Variants in PRKCH observed in about 807,000 individuals in gnomAD.
The protein encoded by PRKCH is protein kinase C eta.
Under a neutral mutation model 82.5 loss-of-function variants are expected in PRKCH, and 28 were observed. That is an observed-to-expected ratio of 0.34 (90% confidence interval 0.25 to 0.47). PRKCH has a LOEUF of 0.47. PRKCH is among the 20% of genes least tolerant of loss of function. The pLI, the probability that PRKCH is intolerant of heterozygous loss-of-function variation, is 1.00. For missense variants in PRKCH, 705 were observed against 881.8 expected (o/e 0.80, Z 2.54); for synonymous variants, 322 against 327.4 (o/e 0.98, Z 0.18).
chr14:61,253,670 C>T lies in PRKCH; in HGVS notation c.-19+66002C>T, dbSNP rs975043445. 2.0e-5 allele frequency among the ~76,000 whole-genome samples: 3 copies of T among 152,308 alleles called. No homozygotes were observed. In the East Asian group the frequency reaches 5.8e-4, roughly 29 times the overall value. On this transcript the variant is annotated intron_variant, in intron 1 of 3. Coordinates refer to the PRKCH transcript ENST00000555185. ...AAAGGCAGAGCTTGGTGGTTCAACT[C>T]TCTGCCTCTCATATAATGCCTAATT...
chr14:61,462,522 T>C (rs1885071640), intron 9 of PRKCH, among the ~76,000 whole-genome samples: 1 of 152,244 alleles, frequency 6.6e-6, no homozygotes, highest in Non-Finnish European at 1.5e-5. Flanking sequence ...ACACATAGCA[T>C]TTGCTCGCTG....
At chr14:61,271,136 C>T (rs923010500) in intron 1 of PRKCH, among the ~76,000 whole-genome samples, 1 of 152,160 alleles carries the variant, frequency 6.6e-6, no homozygotes, top group Non-Finnish European at 1.5e-5. Flanking sequence ...GCAAGATGGA[C>T]ACTAGTGTAC....
At chr14:61,288,063 C>A (rs1223056675) in intron 1 of PRKCH, among the ~76,000 whole-genome samples, 1 of 152,078 alleles carries the variant, frequency 6.6e-6, no homozygotes, top group African/African-American at 2.4e-5. Flanking sequence ...TATATTGCTA[C>A]ATCAGAGCAA....
At chr14:61,322,499 C>A in intron 1 of PRKCH, 35 bp downstream of exon 1, 1 of 1,568,166 alleles carries the variant, frequency 6.4e-7, no homozygotes, top group Non-Finnish European at 8.7e-7. Flanking sequence ...TTGTGTCCAC[C>A]CAACCCCCGT....
chr14:61,529,132 C>T lies in PRKCH; in HGVS notation c.1491C>T (p.Asp497=). 2 of 1,614,054 alleles carry T rather than the reference C, an allele frequency of 1.2e-6. No individual in the cohort carries two copies. The highest frequency in any genetic ancestry group is 1.7e-6 in the Non-Finnish European group (2 of 1,179,968). The part of the protein sequence containing the change: ...LDHEGHCKLA[D]FGMCKEGICN... ...ACGAGGGTCACTGTAAACTGGCAGA[C>T]TTCGGAATGTGCAAGGAGGGGATTT... is the stretch of plus-strand genomic sequence containing the variant. Residue 497 remains aspartate (D), a synonymous_variant, in exon 11 of 14, where the codon GAC becomes GAT. Transcript: ENST00000332981.
At chr14:61,315,110 T>A (rs1055476779) in intron 1 of PRKCH, among the ~76,000 whole-genome samples, 3 of 152,200 alleles carry the variant, frequency 2.0e-5, no homozygotes, top group African/African-American at 7.2e-5. Flanking sequence ...TTTTGTCCCA[T>A]GAGGAGGACA....
intron 1 of PRKCH, among the ~76,000 whole-genome samples, chr14:61,264,829 C>T (rs906928234): frequency 6.6e-6 from 1 of 152,092 alleles, no homozygotes; most frequent in Admixed American, 6.5e-5. Flanking sequence ...AACAGAGAGG[C>T]TTGAATTCCT....
intron 1 of PRKCH, among the ~76,000 whole-genome samples, chr14:61,255,408 G>T (rs993761967): frequency 5.9e-5 from 9 of 152,110 alleles, no homozygotes; most frequent in African/African-American, 2.2e-4. Flanking sequence ...CTTTTGAAGT[G>T]TATCATCCGC....
intron 1 of PRKCH, among the ~76,000 whole-genome samples, chr14:61,248,712 A>C (rs1209588512): frequency 6.6e-6 from 1 of 152,158 alleles, no homozygotes. Flanking sequence ...TTTTCCCCTC[A>C]GAATGTGAAG....
At chr14:61,521,795 C>T (rs2042911061) in intron 10 of PRKCH, among the ~76,000 whole-genome samples, 1 of 152,106 alleles carries the variant, frequency 6.6e-6, no homozygotes. Flanking sequence ...ATTTGGGCCC[C>T]ACTCTCTAGG....
chr14:61,378,428 A>T (rs1037640643), intron 1 of PRKCH, among the ~76,000 whole-genome samples: 1 of 151,894 alleles, frequency 6.6e-6, no homozygotes. Context: ...GCTGTTCTGG[A>T]GCTCTGGCCT....
At chr14:61,474,962 T>C (rs1885666727) in intron 9 of PRKCH, among the ~76,000 whole-genome samples, 1 of 152,216 alleles carries the variant, frequency 6.6e-6, no homozygotes, top group Admixed American at 6.5e-5. Flanking sequence ...TATGGCATAT[T>C]CTTGGCCATA....
intron 10 of PRKCH, among the ~76,000 whole-genome samples, chr14:61,499,474 G>T (rs2139947028): frequency 6.6e-6 from 1 of 152,222 alleles, no homozygotes; most frequent in South Asian, 2.1e-4. Flanking sequence ...GCAGCAATGG[G>T]AAGGTGGCGC....
At chr14:61,322,816 A>G (rs541706721) in intron 1 of PRKCH, 38 of 247,504 alleles carry the variant, frequency 1.5e-4, no homozygotes, top group African/African-American at 7.9e-4. Context: ...GCAGGGAAGG[A>G]GTGATACAAA....
intron 1 of PRKCH, among the ~76,000 whole-genome samples, chr14:61,276,538 T>C (rs1368907805): frequency 6.6e-6 from 1 of 151,880 alleles, no homozygotes; most frequent in East Asian, 1.9e-4. Context: ...GTATTTTTAT[T>C]AGAGGCGGGG....
chr14:61,272,502 C>A (rs1172577531), intron 1 of PRKCH, among the ~76,000 whole-genome samples: 3 of 151,460 alleles, frequency 2.0e-5, no homozygotes, highest in African/African-American at 4.8e-5. Flanking sequence ...TACAGGCACA[C>A]GCCACCACGG....
chr14:61,428,477 C>G (rs1204643362), intron 2 of PRKCH, among the ~76,000 whole-genome samples: 3 of 151,964 alleles, frequency 2.0e-5, no homozygotes, highest in Non-Finnish European at 4.4e-5. Context: ...GAGAAGGGGT[C>G]CATTCAGTCA....
intron 1 of PRKCH, among the ~76,000 whole-genome samples, chr14:61,307,548 T>C (rs1330067061): frequency 6.6e-6 from 1 of 152,212 alleles, no homozygotes; most frequent in Non-Finnish European, 1.5e-5. Context: ...AGAGAATGTG[T>C]AATAAAAAAC....
At chr14:61,510,212 A>G (rs934347305) in intron 10 of PRKCH, among the ~76,000 whole-genome samples, 1 of 152,176 alleles carries the variant, frequency 6.6e-6, no homozygotes, top group African/African-American at 2.4e-5. Context: ...ATGTTGGGCT[A>G]GGAAGTGTGG....
Sources: allele counts gnomAD v4.1 joint callset (sites outside exome capture counted in the v4.1 genomes callset), GRCh38; gene constraint gnomAD v4.1.1; transcripts MANE v1.5; gene names NCBI Gene and HGNC (gene_info 2026-07-23, HGNC 2026-07-21).